Variants in CAPN15 observed in about 807,000 individuals in gnomAD.
CAPN15 encodes the protein calpain 15, also known as calpain-15.
In CAPN15, 53 loss-of-function variants were observed where a neutral mutation model predicts 97.9. That is an observed-to-expected ratio of 0.54 (90% CI 0.43 to 0.68). The LOEUF (loss-of-function observed/expected upper bound fraction) is 0.68. CAPN15 is among the 30% of genes least tolerant of loss of function. The probability of loss-of-function intolerance (pLI) is 0.00; values close to 1 mark genes in which losing one functional copy is unlikely to be tolerated. For synonymous variants in CAPN15, 922 were observed against 722.5 expected (o/e 1.28, Z -4.43); for missense variants, 1,592 against 1,589.8 (o/e 1.00, Z -0.02).
In CAPN15 at chr16:549,767, C is replaced by T. The variant is rs2142053811; in HGVS notation, c.1995C>T (p.Ser665=). Residue 665 remains serine (S), a synonymous_variant, in exon 7 of 14, where the codon TCC becomes TCT. Coordinates refer to ENST00000219611, the MANE Select transcript of CAPN15 (RefSeq NM_005632.3). ...AGAGCCTGGCGCTGCAGCTCAGCTC[C>T]ACTAACCCCCGCGAGGAGCCCGTTG... ...PCESLALQLS[S]TNPREEPVDT... 1 of 1,592,836 alleles carries T rather than the reference C, an allele frequency of 6.3e-7. No individual in the cohort carries two copies. Among genetic ancestry groups the T allele is most frequent in the East Asian group, 2.3e-5 (1 of 43,388 alleles).
rs1364906622 is a variant in CAPN15, at chr16:549,371, G to A, written c.1742G>A (p.Gly581Asp). 6.3e-7 allele frequency: 1 copy of A among 1,598,184 alleles called. No homozygotes were observed. The highest frequency in any genetic ancestry group is 8.5e-7 in the Non-Finnish European group (1 of 1,178,416). ...VMVTRSLCAE[G>D]AYQVRLCKDG... The stretch of plus-strand genomic sequence containing the variant: ...GTCACGCGCAGCCTGTGTGCAGAGG[G>A]CGCCTACCAGGTGCGGCTGTGCAAG... Residue 581 changes from glycine to aspartate, a missense_variant, in exon 6 of 14, where the codon GGC becomes GAC. This residue lies in a region of CAPN15 where 65 missense variants were observed against 113.7 expected (regional missense o/e 0.57). Transcript: ENST00000219611.
chr16:534,027 G>C, intron 2 of CAPN15, 29 bp downstream of exon 2: 1 of 977,796 alleles, frequency 1.0e-6, no homozygotes, highest in African/African-American at 1.7e-5. Context: ...CCTGCGGCTC[G>C]TTTATGGGTT....
intron 6 of CAPN15, 41 bp from the exon 7 acceptor site, chr16:549,574 G>T (rs762265091): frequency 1.1e-4 from 166 of 1,505,462 alleles, no homozygotes; most frequent in Admixed American, 2.2e-4. Flanking sequence ...CGGGTAGTGT[G>T]GGGGGCGGGC....
intron 7 of CAPN15, among the ~76,000 whole-genome samples, chr16:550,821 G>A (rs2034971397): frequency 1.4e-5 from 1 of 72,514 alleles, no homozygotes; most frequent in Non-Finnish European, 2.9e-5. Flanking sequence ...CCCGGTCGGT[G>A]AGGGTGCCCC....
chr16:543,797 G>A (rs980683784), intron 3 of CAPN15, among the ~76,000 whole-genome samples: 2 of 152,172 alleles, frequency 1.3e-5, no homozygotes, highest in Admixed American at 1.3e-4. Context: ...GACTGGGGAG[G>A]GTCAGCGCGA....
intron 3 of CAPN15, among the ~76,000 whole-genome samples, chr16:544,968 G>A (rs535755461): frequency 2.0e-5 from 3 of 147,838 alleles, no homozygotes; most frequent in Admixed American, 2.0e-4. Context: ...AGTAGTGAGG[G>A]CTCCTTGCTG....
At position 553,937 on chromosome 16, in the gene CAPN15, G is replaced by A; in HGVS notation, c.*421G>A. 5.2e-6 allele frequency: 1 copy of A among 191,740 alleles called. No homozygotes were observed. The highest frequency in any genetic ancestry group is 1.6e-4 in the East Asian group (1 of 6,306). 11.9% of individuals were successfully genotyped at this position (191,740 alleles called of 1,614,324 possible). On this transcript the variant is annotated 3_prime_UTR_variant, in exon 14 of 14. Transcript: ENST00000219611. Reference sequence around the variant, plus strand: ...TGGGATCAGGGACCACCCCTCACGGGGCATAAGGTCAGTTTTCCCCCAGAG... The same window carrying A: ...TGGGATCAGGGACCACCCCTCACGGAGCATAAGGTCAGTTTTCCCCCAGAG...
intron 7 of CAPN15, 94 bp from the exon 8 acceptor site, chr16:551,208 A>AGTCGGTGAGGGTCCCG: frequency 1.8e-6 from 2 of 1,131,036 alleles, no homozygotes; most frequent in Non-Finnish European, 2.2e-6. Context: ...GAGGGTCCCC[A>AGTCGGTGAGGGTCCCG]GTCGGTGAGG....
At chr16:545,794 C>T (rs1247759310) in intron 3 of CAPN15, among the ~76,000 whole-genome samples, 4 of 152,204 alleles carry the variant, frequency 2.6e-5, no homozygotes, top group African/African-American at 4.8e-5. Context: ...AGGCACCTCC[C>T]GGAGTGGGGG....
At chr16:540,116 C>T in intron 3 of CAPN15, 1 of 985,444 alleles carries the variant, frequency 1.0e-6, no homozygotes, top group Non-Finnish European at 1.2e-6. Context: ...CTCTTCCCTC[C>T]ATGCTCCGCT....
intron 9 of CAPN15, 94 bp downstream of exon 9, chr16:551,758 G>C (rs1270756944): frequency 6.6e-7 from 1 of 1,508,842 alleles, no homozygotes; most frequent in Non-Finnish European, 9.0e-7. Context: ...TGCTGACCTG[G>C]GGTGGGGCGG....
At chr16:528,836 C>T in intron 1 of CAPN15, 1 of 875,118 alleles carries the variant, frequency 1.1e-6, no homozygotes, top group Non-Finnish European at 1.4e-6. Context: ...TGTGCTTCTC[C>T]TTCGGGAAAC....
At chr16:534,056 G>A in intron 2 of CAPN15, 58 bp downstream of exon 2, 3 of 889,276 alleles carry the variant, frequency 3.4e-6, no homozygotes, top group Non-Finnish European at 2.7e-6. Context: ...CTGCAGAACT[G>A]TTTGTGGAGC....
At chr16:540,995 C>T (rs1035657479) in intron 3 of CAPN15, among the ~76,000 whole-genome samples, 2 of 152,216 alleles carry the variant, frequency 1.3e-5, no homozygotes, top group African/African-American at 4.8e-5. Flanking sequence ...CCCGGGGCCT[C>T]GGGGCCAGTG....
intron 3 of CAPN15, among the ~76,000 whole-genome samples, chr16:546,058 G>T (rs560402553): frequency 1.3e-5 from 2 of 152,198 alleles, no homozygotes; most frequent in African/African-American, 4.8e-5. Context: ...CCAGCTGGAC[G>T]CCCTGAGCCT....
intron 3 of CAPN15, chr16:540,005 C>G (rs2034001643): frequency 2.2e-6 from 2 of 914,064 alleles, no homozygotes. Context: ...GCTGGGAAGT[C>G]CTCCCGGGCT....
rs1028639460 is a variant in CAPN15 at position 535,652 on chromosome 16, C to T, written c.-136-377C>T. Among the ~76,000 whole-genome samples the T allele has an allele frequency of 6.6e-5, 10 of 152,164 alleles. No individual in the cohort carries two copies. The highest frequency in any genetic ancestry group is 2.4e-4 in the African/African-American group (10 of 41,446). On this transcript the variant is annotated intron_variant, in intron 2 of 13. Coordinates refer to ENST00000219611, the MANE Select transcript of CAPN15 (RefSeq NM_005632.3). The surrounding 1 kb of genome is among the most constrained non-coding windows in gnomAD (Gnocchi z 6.2). Reference sequence around the variant, plus strand: ...CAGCCCGGGGCCCTCCGCACCCTGCCCCTCCAGGGAGCCCAGAGGCGGGCG... The same window carrying T: ...CAGCCCGGGGCCCTCCGCACCCTGCTCCTCCAGGGAGCCCAGAGGCGGGCG...
chr16:536,786 CA>C (rs2033767305), intron 3 of CAPN15: 1 of 152,304 alleles, frequency 6.6e-6, no homozygotes, highest in Admixed American at 6.5e-5. Flanking sequence ...GTGGACGGAA[CA>C]CAGGGGGACC....
chr16:544,519 G>A (rs529919434), intron 3 of CAPN15, among the ~76,000 whole-genome samples: 33 of 152,256 alleles, frequency 2.2e-4, no homozygotes, highest in Middle Eastern at 3.4e-3. Context: ...GCTTCAGGGC[G>A]GGCTCTGTCT....
Sources: gnomAD v4.1 joint callset for allele counts (sites outside exome capture counted in the v4.1 genomes callset) on GRCh38, gnomAD v4.1.1 for gene constraint, gnomAD v4.1.1 regional missense constraint, Gnocchi (gnomAD v3.1) non-coding constraint, MANE v1.5 for transcripts, NCBI Gene and HGNC (gene_info 2026-07-23, HGNC 2026-07-21) for gene names.